The following MYL10 variants were observed in gnomAD, a reference collection of about 807,000 sequenced individuals.
The protein encoded by MYL10 is myosin light chain 10, also known as myosin regulatory light chain 10.
MYL10 carries 18 observed loss-of-function variants against 21.9 expected under a neutral mutation model. That is an observed-to-expected ratio of 0.82 (90% CI 0.57 to 1.22). The LOEUF (loss-of-function observed/expected upper bound fraction) is 1.22. Ranked by LOEUF, MYL10 falls within the 50% of genes most tolerant of loss-of-function variation. The pLI is 0.00. For missense variants in MYL10, 225 were observed against 230.4 expected (o/e 0.98, Z 0.15); for synonymous variants, 88 against 82.8 (o/e 1.06, Z -0.34).
chr7:101,620,987 C>T (rs1479453142), intron 5 of MYL10, among the ~76,000 whole-genome samples: 1 of 152,006 alleles, frequency 6.6e-6, no homozygotes, highest in Admixed American at 6.6e-5. Context: ...CAGTGTTTCG[C>T]CATGTTAGTC....
intron 6 of MYL10, among the ~76,000 whole-genome samples, chr7:101,614,213 G>C (rs1459507592): frequency 6.6e-6 from 1 of 152,192 alleles, no homozygotes; most frequent in Non-Finnish European, 1.5e-5. Context: ...CTCAAGCTTG[G>C]AGGGTCCTGC....
At chr7:101,625,003 C>T (rs974489232) in intron 1 of MYL10, among the ~76,000 whole-genome samples, 26 of 152,024 alleles carry the variant, frequency 1.7e-4, no homozygotes, top group African/African-American at 5.8e-4. Flanking sequence ...CATATCTGTG[C>T]GTCTGTGTCC....
chr7:101,628,082 C>T (rs138524573), intron 1 of MYL10, among the ~76,000 whole-genome samples: 282 of 152,304 alleles, frequency 1.9e-3, no homozygotes, highest in African/African-American at 6.3e-3. Flanking sequence ...ATCAGGGTGT[C>T]CATTAAGCAC....
intron 6 of MYL10, 81 bp from the exon 7 acceptor site, chr7:101,613,791 C>T (rs1796578304): frequency 2.9e-6 from 4 of 1,356,936 alleles, no homozygotes; most frequent in Non-Finnish European, 4.2e-6. Context: ...TGATGAGGGG[C>T]AAGTGGGGGC....
In MYL10 at chr7:101,624,274, A is replaced by G; in HGVS notation, c.79-10T>C. The G allele has an allele frequency of 1.9e-6, 3 of 1,609,502 alleles. No homozygotes were observed. The highest frequency in any genetic ancestry group is 2.5e-6 in the Non-Finnish European group (3 of 1,178,054). On this transcript the variant is annotated splice_polypyrimidine_tract_variant and intron_variant, in intron 1 of 7. Coordinates refer to ENST00000223167, the MANE Select transcript of MYL10 (RefSeq NM_138403.5). ...GAGCTCTTCTCGGTGCCTGCGAGGTAGCAGACAAGGCCTTGCAGCGGCCCC... is the reference window on the plus strand; with the variant it reads ...GAGCTCTTCTCGGTGCCTGCGAGGTGGCAGACAAGGCCTTGCAGCGGCCCC...
chr7:101,627,922 G>A (rs1387481231), intron 1 of MYL10, among the ~76,000 whole-genome samples: 1 of 152,224 alleles, frequency 6.6e-6, no homozygotes, highest in East Asian at 1.9e-4. Flanking sequence ...GACCTCTGGA[G>A]CTGTGGGACT....
At chr7:101,617,272 T>G (rs1296630317) in intron 5 of MYL10, among the ~76,000 whole-genome samples, 2 of 152,236 alleles carry the variant, frequency 1.3e-5, no homozygotes, top group Admixed American at 1.3e-4. Flanking sequence ...CCATTCATGG[T>G]AAGGTTTTAA....
chr7:101,628,919 G>A (rs1279667997), intron 1 of MYL10, 122 bp downstream of exon 1: 11 of 385,518 alleles, frequency 2.9e-5, no homozygotes, highest in East Asian at 8.3e-5. Flanking sequence ...CTTAAAACAC[G>A]TGTCCTCACA....
rs185713851 is a variant in MYL10, at chr7:101,625,492, C to T, written c.79-1228G>A. On this transcript the variant is annotated intron_variant, in intron 1 of 7. Transcript: ENST00000223167. ...TGCCAAGCCCTTGTCTACCTGCCCC[C>T]ACCAGAGCAGAGGAGTCCCCTCATC... Among the ~76,000 whole-genome samples the T allele has an allele frequency of 1.6e-3, 246 of 152,212 alleles. 4 individuals carry two copies. The highest frequency in any genetic ancestry group is 0.014 in the Admixed American group (210 of 15,290).
chr7:101,623,694 C>CAAAAAAAAA (rs11337754), intron 3 of MYL10, among the ~76,000 whole-genome samples: 1 of 66,562 alleles, frequency 1.5e-5, no homozygotes, highest in Non-Finnish European at 2.8e-5. Flanking sequence ...GACCCTGTCT[C>CAAAAAAAAA]AAAAAAAAAA....
chr7:101,616,765 G>T (rs150695469), intron 5 of MYL10, among the ~76,000 whole-genome samples: 69 of 152,292 alleles, frequency 4.5e-4, no homozygotes, highest in African/African-American at 1.6e-3. Context: ...AGGAAAAAGA[G>T]TTCTGTACGT....
chr7:101,625,357 G>A (rs1054901984), intron 1 of MYL10, among the ~76,000 whole-genome samples: 1 of 152,214 alleles, frequency 6.6e-6, no homozygotes, highest in Admixed American at 6.5e-5. Context: ...ATGGGCTCTC[G>A]ATGGGGGAAA....
intron 2 of MYL10, 59 bp downstream of exon 2, chr7:101,624,113 G>C (rs1796715462): frequency 1.9e-6 from 2 of 1,040,434 alleles, no homozygotes; most frequent in Non-Finnish European, 1.5e-6. Context: ...CCAGCTCCTT[G>C]AGCAACTGGC....
chr7:101,624,232 G>A lies in MYL10; in HGVS notation c.111C>T (p.Gly37=), dbSNP rs949750658. 16 of 1,613,758 alleles carry A rather than the reference G, an allele frequency of 9.9e-6. No individual in the cohort carries two copies. The highest frequency in any genetic ancestry group is 1.4e-5 in the Non-Finnish European group (16 of 1,179,962). The change falls in exon 2 of 8, where the codon GGC becomes GGT. Residue 37 remains glycine (G), a synonymous_variant. Coordinates refer to ENST00000223167, the MANE Select transcript of MYL10 (RefSeq NM_138403.5). ...APRRARKRAE[G]TASSNVFSMF... ...TGGAGAAGACGTTGGAGCTGGCGGT[G>A]CCTTCTGCTCTTTTCCGAGCTCTTC...
intron 6 of MYL10, 75 bp downstream of exon 6, chr7:101,616,145 C>T (rs529380396): frequency 7.8e-5 from 100 of 1,281,890 alleles, no homozygotes; most frequent in Middle Eastern, 3.9e-4. Flanking sequence ...GGAGACTGGG[C>T]GACCATCCAC....
Position 101,629,144 on chromosome 7 carries a change from A to T in MYL10, c.-26T>A, listed in dbSNP as rs189693762. 1.5e-4 allele frequency: 49 copies of T among 322,570 alleles called. No homozygotes were observed. The highest frequency in any genetic ancestry group is 7.9e-4 in the African/African-American group (35 of 44,262). The allele number at this position is 322,570 out of a possible 1,614,324, so 20.0% of individuals were successfully genotyped here. On this transcript the variant is annotated 5_prime_UTR_variant, in exon 1 of 8. Transcript: ENST00000223167. ...GGTGAAACTCTGTTTCTACAAAAAAATTTTTTTTAATTAAAAAATTAGTCA... is the reference window on the plus strand; with the variant it reads ...GGTGAAACTCTGTTTCTACAAAAAATTTTTTTTTAATTAAAAAATTAGTCA...
chr7:101,627,691 C>A (rs1796763230), intron 1 of MYL10, among the ~76,000 whole-genome samples: 1 of 152,238 alleles, frequency 6.6e-6, no homozygotes, highest in Non-Finnish European at 1.5e-5. Flanking sequence ...ACCACGGACG[C>A]AGGGACTGCC....
At chr7:101,625,950 C>T (rs1796740904) in intron 1 of MYL10, among the ~76,000 whole-genome samples, 1 of 151,852 alleles carries the variant, frequency 6.6e-6, no homozygotes, top group South Asian at 2.1e-4. Context: ...ACACCCCCAC[C>T]CTACACTGTC....
chr7:101,613,369 T>C lies in MYL10; in HGVS notation c.*106A>G, dbSNP rs1455041353. 1.7e-5 allele frequency: 15 copies of C among 873,152 alleles called. No homozygotes were observed. The highest frequency in any genetic ancestry group is 2.8e-5 in the Non-Finnish European group (15 of 534,582). 54.1% of individuals were successfully genotyped at this position (873,152 alleles called of 1,614,324 possible). A position where few individuals can be genotyped will look rare whatever the true frequency, so the allele number is the denominator to read the frequency against. ...TTTATTCTTGCTTTGTCCCCAACCG[T>C]AGGACAAGGGAAGCCTTTTTCCTGC... On this transcript the variant is annotated 3_prime_UTR_variant, in exon 8 of 8. Transcript: ENST00000223167.
Sources: gnomAD v4.1 joint callset for allele counts (sites outside exome capture counted in the v4.1 genomes callset) on GRCh38, gnomAD v4.1.1 for gene constraint, MANE v1.5 for transcripts, NCBI Gene and HGNC (gene_info 2026-07-23, HGNC 2026-07-21) for gene names.